The following ERC1 variants were observed in gnomAD, a reference collection of about 807,000 sequenced individuals.
ERC1 encodes ELKS/RAB6-interacting/CAST family member 1.
ERC1 carries 56 observed loss-of-function variants against 132.0 expected under a neutral mutation model. The ratio of observed to expected loss-of-function variants is 0.42; its 90% confidence interval spans 0.34 to 0.53. The LOEUF (loss-of-function observed/expected upper bound fraction) is 0.53, where lower values mean the gene tolerates loss of function less well. Among genes scored for constraint, ERC1 ranks in the 20% least tolerant of loss-of-function variants. The pLI, the probability that ERC1 is intolerant of heterozygous loss-of-function variation, is 0.03. For missense variants in ERC1, 1,202 were observed against 1,349.9 expected, an observed-to-expected ratio of 0.89 and a Z score of 1.72; for synonymous variants, 478 against 476.1, an observed-to-expected ratio of 1.00 and a Z score of -0.05.
intron 18 of ERC1, among the ~76,000 whole-genome samples, chr12:1,467,214 G>A (rs1040018436): frequency 1.3e-5 from 2 of 152,202 alleles, no homozygotes; most frequent in East Asian, 1.9e-4. Context: ...AAGTGTGATG[G>A]GATATTGGAT....
At chr12:1,103,000 A>G (rs1467178462) in intron 3 of ERC1, among the ~76,000 whole-genome samples, 1 of 152,194 alleles carries the variant, frequency 6.6e-6, no homozygotes, top group African/African-American at 2.4e-5. Context: ...TCCTCCATGT[A>G]TTCTTTTTTC....
At chr12:1,076,313 A>G (rs891156570) in intron 2 of ERC1, among the ~76,000 whole-genome samples, 3 of 151,972 alleles carry the variant, frequency 2.0e-5, no homozygotes, top group Admixed American at 6.6e-5. Flanking sequence ...CATTTTTATT[A>G]GGACTGTGGT....
intron 2 of ERC1, among the ~76,000 whole-genome samples, chr12:1,033,461 G>A (rs147455774): frequency 0.011 from 1,628 of 147,880 alleles, 21 homozygotes; most frequent in South Asian, 0.036. Context: ...ATGAGCCACC[G>A]CACCCAGCCT....
intron 15 of ERC1, among the ~76,000 whole-genome samples, chr12:1,328,780 T>C (rs1355892302): frequency 2.0e-5 from 3 of 152,152 alleles, no homozygotes; most frequent in African/African-American, 7.2e-5. Context: ...CTTTTTTTTC[T>C]TACCATGGAT....
At chr12:1,306,051 C>A (rs1363119369) in intron 15 of ERC1, among the ~76,000 whole-genome samples, 1 of 152,094 alleles carries the variant, frequency 6.6e-6, no homozygotes, top group Non-Finnish European at 1.5e-5. Context: ...TGCCTTTACC[C>A]AAACTTTATG....
intron 15 of ERC1, among the ~76,000 whole-genome samples, chr12:1,336,396 A>G (rs1439170057): frequency 6.6e-6 from 1 of 152,020 alleles, no homozygotes; most frequent in African/African-American, 2.4e-5. Context: ...AATGATATGA[A>G]CGTCCCTGTT....
In ERC1 at chr12:1,064,520, T is replaced by C. The variant is rs547508664; in HGVS notation, c.670-18644T>C. ...AGTGATCTTGCCTCAGCTTCTTGAA[T>C]AGCTAGGACTACAGCTAAAAGATTG... On this transcript the variant is annotated intron_variant, in intron 2 of 18. Transcript: ENST00000360905. Among the ~76,000 whole-genome samples, 160 of 152,234 alleles carry C rather than the reference T, an allele frequency of 1.1e-3. 1 individual carries two copies. The highest frequency in any genetic ancestry group is 3.7e-3 in the African/African-American group (155 of 41,534).
chr12:1,138,157 TAA>T (rs1491523090), intron 7 of ERC1, among the ~76,000 whole-genome samples: 3 of 80,250 alleles, frequency 3.7e-5, no homozygotes, highest in African/African-American at 1.7e-4. Flanking sequence ...TTTATTTACA[TAA>T]TATATATAAT....
chr12:1,424,786 C>A (rs2092553106), intron 17 of ERC1, among the ~76,000 whole-genome samples: 1 of 142,270 alleles, frequency 7.0e-6, no homozygotes, highest in African/African-American at 2.6e-5. Context: ...TTGAGAAGAG[C>A]TTGAGATGAT....
chr12:1,407,350 T>C (rs2091564639), intron 16 of ERC1, among the ~76,000 whole-genome samples: 2 of 152,060 alleles, frequency 1.3e-5, no homozygotes, highest in Non-Finnish European at 2.9e-5. Flanking sequence ...TAAATTGTAA[T>C]AGTTGTTCAA....
At chr12:1,399,884 A>G (rs1394535272) in intron 16 of ERC1, among the ~76,000 whole-genome samples, 1 of 152,224 alleles carries the variant, frequency 6.6e-6, no homozygotes, top group African/African-American at 2.4e-5. Context: ...ACACGTTTTC[A>G]GTTATCTTGA....
chr12:1,006,931 C>T (rs1963724468), intron 1 of ERC1, among the ~76,000 whole-genome samples: 1 of 149,902 alleles, frequency 6.7e-6, no homozygotes, highest in Non-Finnish European at 1.5e-5. Context: ...ATCTAATATA[C>T]AATATATATG....
intron 1 of ERC1, among the ~76,000 whole-genome samples, chr12:1,007,540 C>CTCTCTCTCTCTCTCTGTGTGTGTG (rs1555194875): frequency 1.6e-5 from 2 of 122,786 alleles, no homozygotes; most frequent in South Asian, 2.6e-4. Context: ...CTCTCTCTCT[C>CTCTCTCTCTCTCTCTGTGTGTGTG]TGTGTGTGTG....
intron 2 of ERC1, among the ~76,000 whole-genome samples, chr12:1,074,098 G>A (rs1323815269): frequency 6.6e-6 from 1 of 151,860 alleles, no homozygotes; most frequent in Non-Finnish European, 1.5e-5. Flanking sequence ...TCTTGACCTC[G>A]TGATCTGCCC....
chr12:1,483,094 C>T (rs1306610910), intron 18 of ERC1, among the ~76,000 whole-genome samples: 2 of 151,990 alleles, frequency 1.3e-5, no homozygotes, highest in African/African-American at 4.8e-5. Flanking sequence ...CCCAGGAGTT[C>T]GAGACCAGCC....
intron 16 of ERC1, among the ~76,000 whole-genome samples, chr12:1,400,228 C>G (rs2090904972): frequency 6.6e-6 from 1 of 152,076 alleles, no homozygotes; most frequent in Admixed American, 6.5e-5. Context: ...TGTGAATCTT[C>G]TTTGTTGATT....
chr12:1,478,019 G>T (rs748761160), intron 18 of ERC1, among the ~76,000 whole-genome samples: 2 of 152,170 alleles, frequency 1.3e-5, no homozygotes, highest in African/African-American at 4.8e-5. Context: ...TGGACATTTG[G>T]GTTGTTCCCA....
chr12:1,056,739 G>A (rs1973044793), intron 2 of ERC1, among the ~76,000 whole-genome samples: 1 of 152,080 alleles, frequency 6.6e-6, no homozygotes, highest in South Asian at 2.1e-4. Flanking sequence ...GAACATACCT[G>A]GCCCCCAGGT....
At chr12:1,305,472 A>G (rs1388905100) in intron 15 of ERC1, among the ~76,000 whole-genome samples, 2 of 152,124 alleles carry the variant, frequency 1.3e-5, no homozygotes, top group Admixed American at 1.3e-4. Context: ...TCTCCTCCCT[A>G]AGGCTTATAA....
Sources: allele counts gnomAD v4.1 joint callset (sites outside exome capture counted in the v4.1 genomes callset), GRCh38; gene constraint gnomAD v4.1.1; transcripts MANE v1.5; gene names NCBI Gene and HGNC (gene_info 2026-07-23, HGNC 2026-07-21).